Variants in PPP4R1 observed in about 807,000 individuals in gnomAD.
The protein encoded by PPP4R1 is serine/threonine-protein phosphatase 4 regulatory subunit 1.
In PPP4R1, 42 loss-of-function variants were observed where a neutral mutation model predicts 111.2. The ratio of observed to expected loss-of-function variants is 0.38; its 90% CI spans 0.29 to 0.49. The LOEUF (loss-of-function observed/expected upper bound fraction) is 0.49, where lower values mean the gene tolerates loss of function less well. PPP4R1 is among the 20% of genes least tolerant of loss of function. The probability of loss-of-function intolerance (pLI) is 0.97; values close to 1 mark genes in which losing one functional copy is unlikely to be tolerated. For missense variants in PPP4R1, 1,012 were observed against 1,161.6 expected, an observed-to-expected ratio of 0.87 and a Z score of 1.87; for synonymous variants, 409 against 405.5, an observed-to-expected ratio of 1.01 and a Z score of -0.10.
At chr18:9,557,095 T>A in intron 15 of PPP4R1, 126 bp downstream of exon 15, 2 of 874,846 alleles carry the variant, frequency 2.3e-6, no homozygotes, top group Admixed American at 6.0e-5. Context: ...CATCTTAACA[T>A]CAACTTATGG....
At chr18:9,563,210 C>T (rs755104721) in intron 12 of PPP4R1, 168 bp downstream of exon 12, 122 of 1,189,038 alleles carry the variant, frequency 1.0e-4, no homozygotes, top group African/African-American at 6.5e-4. Context: ...ACTAATGTCA[C>T]GAGGACAGGA....
intron 5 of PPP4R1, 101 bp downstream of exon 5, chr18:9,588,609 GA>G: frequency 8.2e-7 from 1 of 1,226,686 alleles, no homozygotes; most frequent in East Asian, 2.5e-5. Flanking sequence ...ATTCATTTTT[GA>G]AAAACAGTAA....
intron 10 of PPP4R1, among the ~76,000 whole-genome samples, chr18:9,571,256 C>A (rs901241687): frequency 1.3e-5 from 2 of 152,130 alleles, no homozygotes; most frequent in African/African-American, 4.8e-5. Flanking sequence ...TCTGTTTCTT[C>A]TAAAATATTC....
At chr18:9,571,070 G>T (rs910136099) in intron 10 of PPP4R1, among the ~76,000 whole-genome samples, 1 of 152,050 alleles carries the variant, frequency 6.6e-6, no homozygotes. Flanking sequence ...TATTTTTAGG[G>T]TTATTTGTAT....
chr18:9,596,295 G>C (rs6506677), intron 2 of PPP4R1, among the ~76,000 whole-genome samples: 25,170 of 152,078 alleles, frequency 0.17, 2,917 homozygotes, highest in African/African-American at 0.33. Context: ...CGATCCAGAG[G>C]TAAATCAGGG....
chr18:9,605,842 A>G (rs1039360530), intron 2 of PPP4R1, among the ~76,000 whole-genome samples: 2 of 152,176 alleles, frequency 1.3e-5, no homozygotes, highest in African/African-American at 2.4e-5. Context: ...TATGATTGTA[A>G]AAGTGCCCTT....
intron 4 of PPP4R1, among the ~76,000 whole-genome samples, chr18:9,589,084 T>TG (rs1262436517): frequency 6.6e-6 from 1 of 152,224 alleles, no homozygotes; most frequent in East Asian, 1.9e-4. Context: ...CAGTATGCAC[T>TG]GAGTATCTAA....
Position 9,570,501 on chromosome 18 carries a change from A to G in PPP4R1, c.1229T>C (p.Leu410Ser). Residue 410 changes from leucine to serine, a missense_variant, in exon 11 of 20, where the codon TTG becomes TCG. Around this residue, in one of 2 missense-constraint regions of PPP4R1, gnomAD observed 707 missense variants for 742.1 expected, o/e 0.95. Coordinates refer to ENST00000400556, the MANE Select transcript of PPP4R1 (RefSeq NM_001042388.3). ...VPLDSSLLCT[L>S]SSESHQEAAS... ...TGCTTCCTGGTGAGATTCTGAGGACAAAGTACAAAGTAAAGAGCTGTCCAG... is the reference window on the plus strand; with the variant it reads ...TGCTTCCTGGTGAGATTCTGAGGACGAAGTACAAAGTAAAGAGCTGTCCAG... 1 of 1,614,230 alleles carries G rather than the reference A, an allele frequency of 6.2e-7. No homozygotes were observed. Among genetic ancestry groups the G allele is most frequent in the Non-Finnish European group, 8.5e-7 (1 of 1,180,032 alleles).
intron 11 of PPP4R1, among the ~76,000 whole-genome samples, chr18:9,564,720 G>T (rs62087428): frequency 7.1e-5 from 4 of 56,536 alleles, no homozygotes; most frequent in South Asian, 4.7e-4. Flanking sequence ...GTGTGTGTGT[G>T]TGTGTGTGTG....
At chr18:9,591,022 A>G (rs1287318159) in intron 4 of PPP4R1, among the ~76,000 whole-genome samples, 2 of 152,056 alleles carry the variant, frequency 1.3e-5, no homozygotes, top group African/African-American at 4.8e-5. Flanking sequence ...ATGACTACCA[A>G]TTTTTTAAAG....
At position 9,570,587 on chromosome 18, in the gene PPP4R1, G is replaced by A. The variant is rs1172287838; in HGVS notation, c.1143C>T (p.Asn381=). The A allele has an allele frequency of 6.8e-6, 11 of 1,613,972 alleles. No individual in the cohort carries two copies. Among genetic ancestry groups the A allele is most frequent in the African/African-American group, 6.7e-5 (5 of 74,896 alleles). The change falls in exon 11 of 20, where the codon AAC becomes AAT. Residue 381 remains asparagine, a synonymous_variant. Coordinates refer to ENST00000400556, the MANE Select transcript of PPP4R1 (RefSeq NM_001042388.3). ...SVSNSSVILE[N]TMEDHAAEAS... Reference sequence around the variant, plus strand: ...CCTCAGCAGCATGGTCTTCCATCGTGTTTTCCAGTATGACACTGGAATTAC... The same window carrying A: ...CCTCAGCAGCATGGTCTTCCATCGTATTTTCCAGTATGACACTGGAATTAC...
chr18:9,600,915 A>G (rs537569927), intron 2 of PPP4R1, among the ~76,000 whole-genome samples: 1 of 152,268 alleles, frequency 6.6e-6, no homozygotes, highest in East Asian at 1.9e-4. Context: ...GAGTGGCTAT[A>G]TTATTATGAG....
intron 11 of PPP4R1, among the ~76,000 whole-genome samples, chr18:9,565,260 G>A (rs897219981): frequency 2.6e-5 from 4 of 152,136 alleles, no homozygotes; most frequent in African/African-American, 9.7e-5. Context: ...AAACTTAAAT[G>A]ATAAATGTGT....
intron 16 of PPP4R1, among the ~76,000 whole-genome samples, chr18:9,552,724 A>G (rs1459774915): frequency 5.9e-5 from 9 of 152,220 alleles, no homozygotes; most frequent in Non-Finnish European, 1.3e-4. Flanking sequence ...TAGCAGCACT[A>G]TTCACAAAAG....
chr18:9,569,578 T>C (rs1168713490), intron 11 of PPP4R1, among the ~76,000 whole-genome samples: 1 of 152,184 alleles, frequency 6.6e-6, no homozygotes, highest in Non-Finnish European at 1.5e-5. Flanking sequence ...GATTTGTCAA[T>C]CAACAAATCT....
At chr18:9,577,506 A>T (rs1361856873) in intron 9 of PPP4R1, among the ~76,000 whole-genome samples, 3 of 152,200 alleles carry the variant, frequency 2.0e-5, no homozygotes, top group African/African-American at 7.2e-5. Context: ...CTCTACAAAA[A>T]ATACCAAAGT....
intron 14 of PPP4R1, among the ~76,000 whole-genome samples, chr18:9,558,856 G>C (rs1446365720): frequency 4.6e-5 from 7 of 152,112 alleles, no homozygotes; most frequent in Non-Finnish European, 7.4e-5. Flanking sequence ...CAGATGTCCA[G>C]ACAAAATGAC....
intron 9 of PPP4R1, 114 bp downstream of exon 9, chr18:9,583,003 T>C (rs1456305240): frequency 2.0e-6 from 2 of 1,009,504 alleles, no homozygotes; most frequent in Non-Finnish European, 2.7e-6. Flanking sequence ...TTCCTAAAAG[T>C]ATAAAAAATA....
chr18:9,583,322 T>C, intron 8 of PPP4R1, 47 bp from the exon 9 acceptor site: 1 of 1,406,612 alleles, frequency 7.1e-7, no homozygotes. Flanking sequence ...AGATAGCAGA[T>C]TTCATCAGTT....
Sources: gnomAD v4.1 joint callset for allele counts (sites outside exome capture counted in the v4.1 genomes callset) on GRCh38, gnomAD v4.1.1 for gene constraint, gnomAD v4.1.1 regional missense constraint, MANE v1.5 for transcripts, NCBI Gene and HGNC (gene_info 2026-07-23, HGNC 2026-07-21) for gene names.